The following RASA1 variants were observed in gnomAD, a reference collection of about 807,000 sequenced individuals.
RASA1 encodes RAS p21 protein activator 1, also known as ras GTPase-activating protein 1.
RASA1 carries 25 observed loss-of-function variants against 132.2 expected under a neutral mutation model. The observed-to-expected ratio is 0.19, with a 90% CI of 0.14 to 0.26. The LOEUF (loss-of-function observed/expected upper bound fraction) is 0.26, where lower values mean the gene tolerates loss of function less well. Ranked by LOEUF, RASA1 falls within the 10% of genes least tolerant of loss-of-function variation. RASA1 has a pLI of 1.00. For missense variants in RASA1, 964 were observed against 1,299.2 expected (o/e 0.74, Z 3.97); for synonymous variants, 477 against 449.9 (o/e 1.06, Z -0.76).
At chr5:87,306,113 G>A (rs1231476394) in intron 1 of RASA1, among the ~76,000 whole-genome samples, 1 of 152,204 alleles carries the variant, frequency 6.6e-6, no homozygotes, top group Non-Finnish European at 1.5e-5. Context: ...AATCTCATTA[G>A]TGGGTATATA....
At chr5:87,379,708 T>C (rs765185124) in intron 18 of RASA1, 27 bp from the exon 19 acceptor site, 2 of 1,608,330 alleles carry the variant, frequency 1.2e-6, no homozygotes, top group Non-Finnish European at 1.7e-6. Context: ...CCAACATGCA[T>C]TTATATTGAT....
chr5:87,371,490 C>T (rs1446472431), intron 12 of RASA1, among the ~76,000 whole-genome samples: 8 of 152,070 alleles, frequency 5.3e-5, no homozygotes, highest in Non-Finnish European at 1.2e-4. Context: ...CTCTCCTTTT[C>T]CCCAAAGCAC....
At chr5:87,372,310 G>T (rs1278942921) in intron 13 of RASA1, 115 bp downstream of exon 13, 1 of 911,698 alleles carries the variant, frequency 1.1e-6, no homozygotes, top group Non-Finnish European at 1.7e-6. Flanking sequence ...AAGCCATGCT[G>T]CCACTTGCTT....
intron 1 of RASA1, chr5:87,318,311 A>G (rs977093553): frequency 1.3e-5 from 2 of 152,372 alleles, no homozygotes; most frequent in South Asian, 2.1e-4. Flanking sequence ...CATGTAAAAA[A>G]GTACAATGAG....
chr5:87,329,025 G>C (rs1757426365), intron 1 of RASA1, among the ~76,000 whole-genome samples: 1 of 152,102 alleles, frequency 6.6e-6, no homozygotes, highest in African/African-American at 2.4e-5. Context: ...TTATGTGTTT[G>C]AAGCTTACGA....
At chr5:87,319,207 T>C (rs568177602) in intron 1 of RASA1, among the ~76,000 whole-genome samples, 2 of 152,360 alleles carry the variant, frequency 1.3e-5, no homozygotes, top group South Asian at 4.1e-4. Flanking sequence ...CTGCAACTTT[T>C]GCAGGCACAC....
At chr5:87,349,002 A>G (rs1759062628) in intron 7 of RASA1, among the ~76,000 whole-genome samples, 2 of 151,964 alleles carry the variant, frequency 1.3e-5, no homozygotes, top group South Asian at 4.1e-4. Context: ...TAAAGCTGGT[A>G]AGATACACCA....
At chr5:87,367,374 T>C (rs1006366820) in intron 11 of RASA1, among the ~76,000 whole-genome samples, 3 of 152,200 alleles carry the variant, frequency 2.0e-5, no homozygotes, top group Non-Finnish European at 4.4e-5. Flanking sequence ...TGTGTACACA[T>C]AGAACCTGAT....
In RASA1 at chr5:87,273,161, A is replaced by G. The variant is rs1351630599; in HGVS notation, c.539+4171A>G. 3.3e-5 allele frequency among the ~76,000 whole-genome samples: 5 copies of G among 152,138 alleles called. No individual in the cohort carries two copies. The East Asian group carries it at 9.6e-4, about 29-fold the overall frequency. On this transcript the variant is annotated intron_variant, in intron 1 of 24. Transcript: ENST00000274376. ...GATACACCAGTGCAAATAAATTAACACTATTAATTAGTATTTTGTACCTTG... is the reference window on the plus strand; with the variant it reads ...GATACACCAGTGCAAATAAATTAACGCTATTAATTAGTATTTTGTACCTTG...
intron 14 of RASA1, 126 bp downstream of exon 14, chr5:87,374,446 T>A: frequency 3.7e-6 from 1 of 268,572 alleles, no homozygotes; most frequent in Non-Finnish European, 6.1e-6. Context: ...TAATAGCATA[T>A]ATATATATAT....
rs1055222994 is a variant in RASA1 at position 87,390,983 on chromosome 5, T to A, written c.*100T>A. On this transcript the variant is annotated 3_prime_UTR_variant, in exon 25 of 25. Transcript: ENST00000274376. ...TGCTCTTGCCAAAAAATAGCACACT[T>A]TTCCACATTCCAGTGATGTGTGAGC... 1 of 1,192,590 alleles carries A rather than the reference T, an allele frequency of 8.4e-7. No homozygotes were observed. The highest frequency in any genetic ancestry group is 1.8e-5 in the Admixed American group (1 of 56,244). The allele number at this position is 1,192,590 out of a possible 1,614,324, so 73.9% of individuals were successfully genotyped here. A position where few individuals can be genotyped will look rare whatever the true frequency, so the allele number is the denominator to read the frequency against.
chr5:87,316,008 TTATG>T (rs1282559923), intron 1 of RASA1, among the ~76,000 whole-genome samples: 2 of 152,196 alleles, frequency 1.3e-5, no homozygotes, highest in East Asian at 3.8e-4. Context: ...ATTAAAAAAA[TTATG>T]GACACTATGT....
intron 8 of RASA1, 121 bp downstream of exon 8, chr5:87,349,485 C>T (rs893348345): frequency 8.6e-7 from 1 of 1,163,902 alleles, no homozygotes; most frequent in African/African-American, 1.6e-5. Context: ...ATAAGACCTT[C>T]AATATAATTT....
intron 1 of RASA1, among the ~76,000 whole-genome samples, chr5:87,276,631 A>G (rs540339451): frequency 6.6e-6 from 1 of 152,180 alleles, no homozygotes; most frequent in Non-Finnish European, 1.5e-5. Flanking sequence ...AAATTTTTCA[A>G]ATTCAGAGGA....
chr5:87,283,755 C>G (rs1754422916), intron 1 of RASA1, among the ~76,000 whole-genome samples: 1 of 152,064 alleles, frequency 6.6e-6, no homozygotes, highest in African/African-American at 2.4e-5. Flanking sequence ...GTCTATTTAA[C>G]TACTATGCTA....
intron 5 of RASA1, among the ~76,000 whole-genome samples, chr5:87,338,627 C>T (rs1758206326): frequency 6.7e-6 from 1 of 149,198 alleles, no homozygotes; most frequent in Non-Finnish European, 1.5e-5. Flanking sequence ...CCGCCTTAGC[C>T]TCCCAAAGTA....
intron 2 of RASA1, among the ~76,000 whole-genome samples, chr5:87,332,007 A>G (rs1177273279): frequency 2.0e-5 from 3 of 152,160 alleles, no homozygotes; most frequent in Non-Finnish European, 4.4e-5. Context: ...AAGAAATTGA[A>G]AAAAATCATC....
In RASA1 at chr5:87,338,052, T is replaced by C. The variant is rs1392877152; in HGVS notation, c.978T>C (p.Asp326=). Residue 326 remains aspartate, a synonymous_variant, in exon 5 of 25, where the codon GAT becomes GAC. Transcript: ENST00000274376. ...TGTGGGTTACAAATTTAAGAACAGA[T>C]GAACAAGGCCTTATTGTTGAAGACC... ...GWMWVTNLRT[D]EQGLIVEDLV... is the part of the protein sequence containing the mutation. The C allele has an allele frequency of 3.1e-6, 5 of 1,612,220 alleles. No individual in the cohort carries two copies. Among genetic ancestry groups the C allele is most frequent in the Non-Finnish European group, 3.4e-6 (4 of 1,179,056 alleles).
At chr5:87,325,290 A>T (rs770865411) in intron 1 of RASA1, among the ~76,000 whole-genome samples, 24 of 152,360 alleles carry the variant, frequency 1.6e-4, no homozygotes, top group Non-Finnish European at 3.2e-4. Flanking sequence ...GGTCCCACCC[A>T]CAACATGTGG....
Sources: allele counts gnomAD v4.1 joint callset (sites outside exome capture counted in the v4.1 genomes callset), GRCh38; gene constraint gnomAD v4.1.1; transcripts MANE v1.5; gene names NCBI Gene and HGNC (gene_info 2026-07-23, HGNC 2026-07-21).